The following NBAS variants were observed in gnomAD, a reference collection of about 807,000 sequenced individuals.
NBAS encodes the protein NAG/BC035112 fusion.
In NBAS, 219 loss-of-function variants were observed where a neutral mutation model predicts 302.5. The observed-to-expected ratio is 0.72, with a 90% CI of 0.65 to 0.81. The LOEUF (loss-of-function observed/expected upper bound fraction) is 0.81. Among genes scored for constraint, NBAS ranks in the 30% least tolerant of loss-of-function variants. The pLI, the probability that NBAS is intolerant of heterozygous loss-of-function variation, is 0.00. For synonymous variants in NBAS, 1,118 were observed against 1,021.6 expected, an observed-to-expected ratio of 1.09 and a Z score of -1.80; for missense variants, 2,932 against 2,841.6, an observed-to-expected ratio of 1.03 and a Z score of -0.72.
At chr2:15,491,394 A>G (rs1271721460) in intron 11 of NBAS, among the ~76,000 whole-genome samples, 1 of 152,196 alleles carries the variant, frequency 6.6e-6, no homozygotes, top group Non-Finnish European at 1.5e-5. Context: ...TACTTATCCA[A>G]CCATACTTCC....
chr2:15,106,201 C>T, the NBAS span, among the ~76,000 whole-genome samples: 1 of 152,102 alleles, frequency 6.6e-6, no homozygotes, highest in Admixed American at 6.6e-5. Flanking sequence ...AATTTTGGAG[C>T]TGTGCCTTAG....
At chr2:14,783,005 G>T in the NBAS span, among the ~76,000 whole-genome samples, 2 of 151,900 alleles carry the variant, frequency 1.3e-5, no homozygotes, top group Non-Finnish European at 2.9e-5. Flanking sequence ...TTGCCATTGG[G>T]TACAAAGCTA....
the NBAS span, among the ~76,000 whole-genome samples, chr2:15,010,998 A>T: frequency 6.6e-6 from 1 of 152,178 alleles, no homozygotes; most frequent in African/African-American, 2.4e-5. Context: ...AAGTATGATA[A>T]TTTTCAAGCC....
In NBAS at chr2:15,534,540, T is replaced by G. The variant is rs1382656525; in HGVS notation, c.746+3A>C. On this transcript the variant is annotated splice_donor_region_variant and intron_variant, in intron 9 of 51. Coordinates refer to ENST00000281513, the MANE Select transcript of NBAS (RefSeq NM_015909.4). Reference sequence around the variant, plus strand: ...CTAAATATGAGAACAAATGGTTACTTACCTGTGACCAGGGTGGTAAATAGC... The same window carrying G: ...CTAAATATGAGAACAAATGGTTACTGACCTGTGACCAGGGTGGTAAATAGC... 1 of 1,585,442 alleles carries G rather than the reference T, an allele frequency of 6.3e-7. No individual in the cohort carries two copies. Among genetic ancestry groups the G allele is most frequent in the Non-Finnish European group, 8.7e-7 (1 of 1,153,370 alleles).
chr2:14,922,158 A>G, the NBAS span, among the ~76,000 whole-genome samples: 1 of 152,218 alleles, frequency 6.6e-6, no homozygotes, highest in African/African-American at 2.4e-5. Context: ...GAAAACAGAG[A>G]TGTCAGAAAA....
the NBAS span, among the ~76,000 whole-genome samples, chr2:14,909,366 T>TAAAA: frequency 1.1e-3 from 86 of 78,562 alleles, 2 homozygotes; most frequent in Middle Eastern, 7.6e-3. Context: ...GGAGAGTTTC[T>TAAAA]AAAAAAAAAA....
At chr2:15,177,442 G>A (rs1246038002) in intron 51 of NBAS, among the ~76,000 whole-genome samples, 1 of 152,178 alleles carries the variant, frequency 6.6e-6, no homozygotes, top group Non-Finnish European at 1.5e-5. Context: ...AGTTCTGACA[G>A]ATGCATTTGA....
chr2:15,331,986 T>C (rs1408537270), intron 35 of NBAS, among the ~76,000 whole-genome samples: 3 of 152,084 alleles, frequency 2.0e-5, no homozygotes, highest in African/African-American at 7.2e-5. Context: ...AGATAAGCCA[T>C]GAAGGAAGAG....
the NBAS span, among the ~76,000 whole-genome samples, chr2:14,897,401 A>T: frequency 5.3e-5 from 8 of 152,218 alleles, no homozygotes; most frequent in Non-Finnish European, 4.4e-5. Context: ...GTAAAATGTG[A>T]AAACACTTAT....
chr2:15,229,782 A>T (rs1217428591), intron 47 of NBAS, among the ~76,000 whole-genome samples: 1 of 143,084 alleles, frequency 7.0e-6, no homozygotes, highest in East Asian at 2.0e-4. Flanking sequence ...AACTCCACGT[A>T]AAAAAAAAAA....
At chr2:14,999,764 T>G in the NBAS span, among the ~76,000 whole-genome samples, 2 of 152,212 alleles carry the variant, frequency 1.3e-5, no homozygotes, top group Non-Finnish European at 2.9e-5. Context: ...ATACATTATC[T>G]ATTAATTTAT....
the NBAS span, among the ~76,000 whole-genome samples, chr2:14,957,319 GT>G: frequency 1.3e-5 from 2 of 151,158 alleles, no homozygotes; most frequent in Non-Finnish European, 2.9e-5. Flanking sequence ...GTAAAGTCCT[GT>G]GATGAAATAA....
rs781218195 is a variant in NBAS at position 15,352,115 on chromosome 2, T to TA, written c.4090-35dup. 5 of 1,487,442 alleles carry TA rather than the reference T, an allele frequency of 3.4e-6. No individual in the cohort carries two copies. In the African/African-American group the frequency reaches 5.5e-5, roughly 16 times the overall value. 92.1% of individuals were successfully genotyped at this position (1,487,442 alleles called of 1,614,324 possible). A position where few individuals can be genotyped will look rare whatever the true frequency, so the allele number is the denominator to read the frequency against. On this transcript the variant is annotated intron_variant, in intron 34 of 51. Transcript: ENST00000281513. The stretch of plus-strand genomic sequence containing the variant: ...AGAATAGGCTATATTGTAAAGGAGT[T>TA]ACGTTTTTAAATTTGCTTCTCATCA...
In NBAS at chr2:15,229,267, G is replaced by A. The variant is rs1667273664; in HGVS notation, c.6236+3155C>T. Among the ~76,000 whole-genome samples, 3 of 148,424 alleles carry A rather than the reference G, an allele frequency of 2.0e-5. No individual in the cohort carries two copies. In the South Asian group the frequency reaches 6.5e-4, roughly 32 times the overall value. ...TGAGGCAGGAGAATCACTTGAACCC[G>A]GGGGCAGAGGTTGCAGTGAGCCGAG... On this transcript the variant is annotated intron_variant, in intron 47 of 51. Transcript: ENST00000281513.
chr2:15,106,481 C>T, the NBAS span, among the ~76,000 whole-genome samples: 3 of 150,852 alleles, frequency 2.0e-5, no homozygotes, highest in African/African-American at 7.3e-5. Flanking sequence ...CTCTCTCTCA[C>T]TCTCCAGTCC....
chr2:14,880,923 C>A, the NBAS span, among the ~76,000 whole-genome samples: 1 of 139,282 alleles, frequency 7.2e-6, no homozygotes. Flanking sequence ...TTTTATGGAC[C>A]TCCAGGATAG....
the NBAS span, among the ~76,000 whole-genome samples, chr2:14,851,506 G>T: frequency 2.1e-5 from 3 of 143,000 alleles, no homozygotes; most frequent in Admixed American, 1.4e-4. Flanking sequence ...GAGGTACAAG[G>T]AGGAACTGGT....
At chr2:14,998,767 T>C in the NBAS span, among the ~76,000 whole-genome samples, 1 of 152,180 alleles carries the variant, frequency 6.6e-6, no homozygotes, top group Non-Finnish European at 1.5e-5. Flanking sequence ...GAATTTCCTG[T>C]CTTTTATGCA....
chr2:15,553,341 C>G (rs1189861721), intron 5 of NBAS, 85 bp downstream of exon 5: 3 of 1,186,932 alleles, frequency 2.5e-6, no homozygotes, highest in African/African-American at 3.1e-5. Context: ...TTAAATATAT[C>G]CCCTATAAAA....
Sources: allele counts gnomAD v4.1 joint callset (sites outside exome capture counted in the v4.1 genomes callset), GRCh38; gene constraint gnomAD v4.1.1; transcripts MANE v1.5; gene names NCBI Gene and HGNC (gene_info 2026-07-23, HGNC 2026-07-21).